The following WDR35 variants were observed in gnomAD, a reference collection of about 807,000 sequenced individuals.
WDR35 encodes the protein WD repeat-containing protein 35.
A neutral mutation model predicts 158.3 loss-of-function variants in WDR35; 118 were observed. That is an observed-to-expected ratio of 0.75 (90% CI 0.64 to 0.87). The LOEUF (loss-of-function observed/expected upper bound fraction) is 0.87, where lower values mean the gene tolerates loss of function less well. Ranked by LOEUF, WDR35 falls within the 40% of genes least tolerant of loss-of-function variation. The pLI is 0.00. For synonymous variants in WDR35, 448 were observed against 476.1 expected (o/e 0.94, Z 0.77); for missense variants, 1,263 against 1,405.8 (o/e 0.90, Z 1.62).
intron 24 of WDR35, 55 bp downstream of exon 24, chr2:19,931,209 CTTTTT>C: frequency 8.2e-7 from 1 of 1,225,640 alleles, no homozygotes; most frequent in Non-Finnish European, 1.1e-6. Context: ...TTAATAGTTT[CTTTTT>C]TTTTTTTTCT....
At position 19,913,012 on chromosome 2, in the gene WDR35, T is replaced by TA. The variant is rs960303065; in HGVS notation, c.*545dup. On this transcript the variant is annotated 3_prime_UTR_variant, in exon 27 of 27. Transcript: ENST00000281405. The stretch of plus-strand genomic sequence containing the variant: ...GGGCTATTAGAAACAATTCAGATTG[T>TA]AAAAAATGTCTTAAAATGCCATCGC... The TA allele has an allele frequency of 5.9e-5, 9 of 152,744 alleles. No homozygotes were observed. Among genetic ancestry groups the TA allele is most frequent in the African/African-American group, 1.7e-4 (7 of 41,592 alleles). The allele number at this position is 152,744 out of a possible 1,614,324, so 9.5% of individuals were successfully genotyped here. A position where few individuals can be genotyped will look rare whatever the true frequency, so the allele number is the denominator to read the frequency against.
chr2:19,935,729 T>G, intron 20 of WDR35, 126 bp from the exon 21 acceptor site: 1 of 1,130,612 alleles, frequency 8.8e-7, no homozygotes, highest in African/African-American at 1.6e-5. Context: ...TATCTTCAGC[T>G]TCAGAATAAC....
At chr2:19,969,725 C>A in intron 8 of WDR35, 120 bp from the exon 9 acceptor site, 1 of 1,031,228 alleles carries the variant, frequency 9.7e-7, no homozygotes, top group Non-Finnish European at 1.4e-6. Flanking sequence ...AGTTACTAGT[C>A]ACTTTAAAAT....
chr2:19,913,198 A>T lies in WDR35; in HGVS notation c.*360T>A, dbSNP rs1669886318. 1 of 175,058 alleles carries T rather than the reference A, an allele frequency of 5.7e-6. No individual in the cohort carries two copies. The highest frequency in any genetic ancestry group is 1.2e-5 in the Non-Finnish European group (1 of 82,606). The allele number at this position is 175,058 out of a possible 1,614,324, so 10.8% of individuals were successfully genotyped here. On this transcript the variant is annotated 3_prime_UTR_variant, in exon 27 of 27. Coordinates refer to ENST00000281405, the MANE Select transcript of WDR35 (RefSeq NM_020779.4). The stretch of plus-strand genomic sequence containing the variant: ...TTTGCCCCACTCCCATGCTTCCCCC[A>T]CTCCCTACTCCCTTCAAGATTTTTT...
chr2:19,967,632 T>C (rs1436719537), intron 9 of WDR35, among the ~76,000 whole-genome samples: 2 of 152,008 alleles, frequency 1.3e-5, no homozygotes, highest in African/African-American at 2.4e-5. Context: ...ATCATGTTGA[T>C]ATTATCATGA....
At chr2:19,983,554 A>G (rs952424961) in intron 2 of WDR35, among the ~76,000 whole-genome samples, 2 of 152,236 alleles carry the variant, frequency 1.3e-5, no homozygotes, top group African/African-American at 4.8e-5. Context: ...TACACATAAA[A>G]CATAGCATTT....
Position 19,913,844 on chromosome 2 carries a change from T to G in WDR35, c.3363-136A>C. 5 of 1,438,770 alleles carry G rather than the reference T, an allele frequency of 3.5e-6. No individual in the cohort carries two copies. In the South Asian group the frequency reaches 6.6e-5, roughly 19 times the overall value. The allele number at this position is 1,438,770 out of a possible 1,614,324, so 89.1% of individuals were successfully genotyped here. A position where few individuals can be genotyped will look rare whatever the true frequency, so the allele number is the denominator to read the frequency against. ...AAATACTTTCATTTAAAAAAGTTATTTCAAGAAAAAACCTTTCTTACAATG... is the reference window on the plus strand; with the variant it reads ...AAATACTTTCATTTAAAAAAGTTATGTCAAGAAAAAACCTTTCTTACAATG... On this transcript the variant is annotated intron_variant, in intron 26 of 26. Transcript: ENST00000281405.
chr2:19,972,750 A>G (rs886631897), intron 8 of WDR35, among the ~76,000 whole-genome samples: 1 of 152,088 alleles, frequency 6.6e-6, no homozygotes, highest in Non-Finnish European at 1.5e-5. Context: ...CAACTGGTAT[A>G]GGCTTTTATG....
At position 19,973,728 on chromosome 2, in the gene WDR35, T is replaced by C; in HGVS notation, c.737-20A>G. 2 of 1,606,296 alleles carry C rather than the reference T, an allele frequency of 1.2e-6. No individual in the cohort carries two copies. The highest frequency in any genetic ancestry group is 1.7e-6 in the Non-Finnish European group (2 of 1,175,698). On this transcript the variant is annotated intron_variant, in intron 7 of 26. Coordinates refer to ENST00000281405, the MANE Select transcript of WDR35 (RefSeq NM_020779.4). ...CGGGATCTAGTCAGAAAGAGAAAAATGAGGTCACTGTGGGAAAATACGTAG... is the reference window on the plus strand; with the variant it reads ...CGGGATCTAGTCAGAAAGAGAAAAACGAGGTCACTGTGGGAAAATACGTAG...
intron 25 of WDR35, among the ~76,000 whole-genome samples, chr2:19,929,505 A>C (rs1670462403): frequency 6.6e-6 from 1 of 152,206 alleles, no homozygotes; most frequent in African/African-American, 2.4e-5. Context: ...TTAGTCATTC[A>C]TATGCTTTGG....
At chr2:19,967,662 AAACT>A (rs1417428156) in intron 9 of WDR35, among the ~76,000 whole-genome samples, 1 of 152,124 alleles carries the variant, frequency 6.6e-6, no homozygotes, top group Non-Finnish European at 1.5e-5. Flanking sequence ...CCATTCAAAC[AAACT>A]AAGCTAAACC....
rs1404772838 is a variant in WDR35 at position 19,974,564 on chromosome 2, G to T, written c.640C>A (p.His214Asn). 1 of 1,613,388 alleles carries T rather than the reference G, an allele frequency of 6.2e-7. No individual in the cohort carries two copies. Among genetic ancestry groups the T allele is most frequent in the Non-Finnish European group, 8.5e-7 (1 of 1,179,744 alleles). ...AISIAGIHWY[H>N]GTEGYVEPDC... The stretch of plus-strand genomic sequence containing the variant: ...GGCTCCACGTAGCCTTCTGTGCCAT[G>T]GTACCAATGAATTCCAGCAATGCTG... Residue 214 changes from histidine to asparagine, a missense_variant, in exon 7 of 27, where the codon CAT becomes AAT. Transcript: ENST00000281405.
Position 19,937,821 on chromosome 2 carries a change from G to A in WDR35, c.2189C>T (p.Ser730Leu). The stretch of plus-strand genomic sequence containing the variant: ...GCCAACAACTTCAGCCTGTTTCATT[G>A]ACTCACTCAGTAGTTTGCCCAAGCG... The part of the protein sequence containing the change: ...VKRLGKLLSE[S>L]MKQAEVVGYF... The change falls in exon 19 of 27, where the codon TCA (serine) becomes TTA (leucine). Residue 730 changes from serine (S) to leucine (L), a missense_variant. Coordinates refer to ENST00000281405, the MANE Select transcript of WDR35 (RefSeq NM_020779.4). The A allele has an allele frequency of 6.2e-7, 1 of 1,614,062 alleles. No individual in the cohort carries two copies. The highest frequency in any genetic ancestry group is 8.5e-7 in the Non-Finnish European group (1 of 1,180,004).
chr2:19,978,382 G>A (rs1672275635), intron 5 of WDR35, among the ~76,000 whole-genome samples: 1 of 151,964 alleles, frequency 6.6e-6, no homozygotes, highest in African/African-American at 2.4e-5. Context: ...AACCAACAAT[G>A]ACATATTCAG....
intron 25 of WDR35, among the ~76,000 whole-genome samples, chr2:19,924,529 A>C (rs1368394418): frequency 1.3e-5 from 2 of 152,168 alleles, no homozygotes; most frequent in Non-Finnish European, 2.9e-5. Context: ...GCGCCACTGC[A>C]CTCCAGGCTG....
intron 2 of WDR35, among the ~76,000 whole-genome samples, chr2:19,985,899 GAAAAAAAA>G (rs70939024): frequency 1.4e-5 from 1 of 71,166 alleles, no homozygotes; most frequent in African/African-American, 5.2e-5. Flanking sequence ...CCCATCTCGG[GAAAAAAAA>G]AAAAAAAAAA....
chr2:19,945,770 C>T lies in WDR35; in HGVS notation c.1845+16G>A, dbSNP rs376710057. On this transcript the variant is annotated intron_variant, in intron 16 of 26. Coordinates refer to ENST00000281405, the MANE Select transcript of WDR35 (RefSeq NM_020779.4). ...TCATTATTTATAGACTGTTAACACT[C>T]ATTTCTTGTTTTTACCTCAGGATCC... The T allele has an allele frequency of 1.5e-4, 246 of 1,613,210 alleles. 3 individuals are homozygous for T. The South Asian group carries it at 2.5e-3, about 16-fold the overall frequency.
At position 19,936,349 on chromosome 2, in the gene WDR35, G is replaced by A. The variant is rs1278431667; in HGVS notation, c.2284C>T (p.Leu762Phe). 1.2e-6 allele frequency: 2 copies of A among 1,613,932 alleles called. No individual in the cohort carries two copies. Among genetic ancestry groups the A allele is most frequent in the South Asian group, 1.1e-5 (1 of 91,086 alleles). Residue 762 changes from leucine to phenylalanine, a missense_variant, in exon 20 of 27, where the codon CTC (leucine) becomes TTC (phenylalanine). By Grantham distance (22) the Leu-to-Phe change is conservative (BLOSUM62 0). Coordinates refer to ENST00000281405, the MANE Select transcript of WDR35 (RefSeq NM_020779.4). Reference sequence around the variant, plus strand: ...AACCAATCCCCCAATTTCAGCCGGAGGCCAATAGCAAGATCCCTACAAACA... The same window carrying A: ...AACCAATCCCCCAATTTCAGCCGGAAGCCAATAGCAAGATCCCTACAAACA... The part of the protein sequence containing the change: ...EMDRRDLAIG[L>F]RLKLGDWFRV...
intron 13 of WDR35, 150 bp from the exon 14 acceptor site, chr2:19,948,367 C>T: frequency 1.5e-6 from 1 of 658,758 alleles, no homozygotes; most frequent in South Asian, 2.0e-5. Flanking sequence ...GTGCCAACCA[C>T]TGAACTAAGC....
Sources: allele counts gnomAD v4.1 joint callset (sites outside exome capture counted in the v4.1 genomes callset), GRCh38; gene constraint gnomAD v4.1.1; transcripts MANE v1.5; gene names NCBI Gene and HGNC (gene_info 2026-07-23, HGNC 2026-07-21).